The following CFAP221 variants were observed in gnomAD, a reference collection of about 807,000 sequenced individuals.
CFAP221 encodes cilia and flagella associated protein 221, also known as cilia- and flagella-associated protein 221.
A neutral mutation model predicts 113.1 loss-of-function variants in CFAP221; 97 were observed. The ratio of observed to expected loss-of-function variants is 0.86; its 90% CI spans 0.73 to 1.02. The LOEUF (loss-of-function observed/expected upper bound fraction) is 1.02, where lower values mean the gene tolerates loss of function less well. Among genes scored for constraint, CFAP221 ranks in the 50% least tolerant of loss-of-function variants. The pLI is 0.00. For missense variants in CFAP221, 1,025 were observed against 1,013.4 expected (o/e 1.01, Z -0.16); for synonymous variants, 331 against 354.4 (o/e 0.93, Z 0.74).
rs200060056 is a variant in CFAP221, at chr2:119,627,745, G to C, written c.1609G>C (p.Ala537Pro). The C allele has an allele frequency of 4.3e-6, 7 of 1,613,588 alleles. No homozygotes were observed. The highest frequency in any genetic ancestry group is 3.3e-5 in the Admixed American group (2 of 59,964). ...GTCGCCCAAGGAGGTGCTGCCCTTC[G>C]CTTTCCCAGACTGCAGCCCACCCCA... Reference protein sequence around the residue: ...SVSPKEVLPFAFPDCSPPQDS... With the variant: ...SVSPKEVLPFPFPDCSPPQDS... Residue 537 changes from alanine (A) to proline (P), a missense_variant, in exon 16 of 24, where the codon GCT (alanine) becomes CCT (proline). Physicochemically the swap from Ala to Pro is conservative, Grantham distance 27. Transcript: ENST00000413369.
At chr2:119,568,520 G>A (rs573965803) in intron 6 of CFAP221, among the ~76,000 whole-genome samples, 4 of 152,148 alleles carry the variant, frequency 2.6e-5, no homozygotes, top group African/African-American at 9.6e-5. Flanking sequence ...GCCCCAGTGT[G>A]TGTTGTTCCC....
intron 13 of CFAP221, among the ~76,000 whole-genome samples, chr2:119,615,300 T>C (rs981920702): frequency 1.3e-5 from 2 of 152,222 alleles, no homozygotes; most frequent in Non-Finnish European, 2.9e-5. Flanking sequence ...CTGGATGCAC[T>C]GTCAGCACCA....
intron 14 of CFAP221, among the ~76,000 whole-genome samples, chr2:119,623,273 C>A (rs544576110): frequency 6.6e-6 from 1 of 152,166 alleles, no homozygotes; most frequent in Non-Finnish European, 1.5e-5. Context: ...ACAATTGCAA[C>A]AAAGAGAATA....
At chr2:119,605,040 A>T in intron 10 of CFAP221, 53 bp downstream of exon 10, 3 of 1,545,468 alleles carry the variant, frequency 1.9e-6, no homozygotes, top group Non-Finnish European at 2.7e-6. Context: ...TGAAAGAGTC[A>T]TTGCTGGTCA....
intron 7 of CFAP221, among the ~76,000 whole-genome samples, chr2:119,597,181 A>G (rs763433104): frequency 6.6e-6 from 1 of 152,216 alleles, no homozygotes; most frequent in Non-Finnish European, 1.5e-5. Flanking sequence ...GACCCTGTAC[A>G]TTATTTTCTC....
intron 19 of CFAP221, among the ~76,000 whole-genome samples, chr2:119,634,472 A>T (rs929520109): frequency 6.6e-6 from 1 of 152,204 alleles, no homozygotes; most frequent in Non-Finnish European, 1.5e-5. Context: ...GTTTCAAAAA[A>T]TAAAGACAGA....
chr2:119,591,904 A>G (rs1475375838), intron 7 of CFAP221, among the ~76,000 whole-genome samples: 1 of 152,182 alleles, frequency 6.6e-6, no homozygotes, highest in African/African-American at 2.4e-5. Context: ...CAACAATGGG[A>G]AAAAAAGAGC....
chr2:119,610,161 C>T (rs574807581), intron 12 of CFAP221, among the ~76,000 whole-genome samples: 5 of 152,260 alleles, frequency 3.3e-5, no homozygotes, highest in African/African-American at 7.2e-5. Flanking sequence ...GCTGTGGCTG[C>T]GGGCAGTGAC....
At chr2:119,580,487 T>C (rs1574051358) in intron 6 of CFAP221, 1 of 152,284 alleles carries the variant, frequency 6.6e-6, no homozygotes, top group Admixed American at 6.5e-5. Flanking sequence ...CAAGTACCAG[T>C]GCAAATTAAT....
chr2:119,554,354 A>C (rs1445329107), intron 3 of CFAP221, among the ~76,000 whole-genome samples: 1 of 152,210 alleles, frequency 6.6e-6, no homozygotes, highest in South Asian at 2.1e-4. Context: ...ATTTGAAATA[A>C]TGGTCCCTGG....
At chr2:119,625,558 A>G (rs927365617) in intron 14 of CFAP221, 25 bp from the exon 15 acceptor site, 6 of 1,565,060 alleles carry the variant, frequency 3.8e-6, no homozygotes, top group Non-Finnish European at 5.3e-6. Context: ...TAATAATTTG[A>G]AATCATTATC....
intron 6 of CFAP221, among the ~76,000 whole-genome samples, chr2:119,583,052 C>T (rs557858566): frequency 6.6e-6 from 1 of 152,080 alleles, no homozygotes; most frequent in African/African-American, 2.4e-5. Context: ...CTATATCCTG[C>T]TTTCTGGAGA....
chr2:119,596,425 C>T (rs143098426), intron 7 of CFAP221, among the ~76,000 whole-genome samples: 42 of 152,302 alleles, frequency 2.8e-4, no homozygotes, highest in African/African-American at 9.4e-4. Flanking sequence ...TCCTGGCCAG[C>T]AGCTTATATA....
Position 119,630,863 on chromosome 2 carries a change from T to G in CFAP221, c.1936T>G (p.Leu646Val). 6.2e-7 allele frequency: 1 copy of G among 1,613,694 alleles called. No homozygotes were observed. The highest frequency in any genetic ancestry group is 8.5e-7 in the Non-Finnish European group (1 of 1,179,540). Reference protein sequence around the residue: ...SVLSMKPPEALAMSLDYDPLY... With the variant: ...SVLSMKPPEAVAMSLDYDPLY... ...CTTGAGCATGAAACCACCTGAGGCC[T>G]TAGCCATGTCTCTAGATTATGATCC... The change falls in exon 19 of 24, where the codon TTA becomes GTA. Residue 646 changes from leucine (L) to valine (V), a missense_variant. Transcript: ENST00000413369.
chr2:119,588,922 C>G (rs1314878365), intron 7 of CFAP221, among the ~76,000 whole-genome samples: 1 of 152,088 alleles, frequency 6.6e-6, no homozygotes. Context: ...CACTCAGACA[C>G]TCAGACGATA....
intron 7 of CFAP221, among the ~76,000 whole-genome samples, chr2:119,592,485 T>A (rs777521733): frequency 2.6e-5 from 4 of 152,236 alleles, no homozygotes; most frequent in Non-Finnish European, 5.9e-5. Flanking sequence ...TACCCTTCTA[T>A]GTTGTCTATA....
Position 119,608,601 on chromosome 2 carries a change from T to C in CFAP221, c.1221+12T>C, listed in dbSNP as rs575681640. On this transcript the variant is annotated intron_variant, in intron 12 of 23. Transcript: ENST00000413369. ...GTGCCAAATATAAGGTCAGAGTTAC[T>C]GCTAATTTGCTATCATTTGTTTCGC... 1.3e-6 allele frequency: 2 copies of C among 1,590,554 alleles called. No individual in the cohort carries two copies. The highest frequency in any genetic ancestry group is 1.4e-5 in the African/African-American group (1 of 73,994).
intron 19 of CFAP221, among the ~76,000 whole-genome samples, chr2:119,636,019 G>T (rs922540603): frequency 6.6e-6 from 1 of 152,170 alleles, no homozygotes; most frequent in African/African-American, 2.4e-5. Context: ...AATTTGACAT[G>T]ATTTTTAAGA....
chr2:119,586,314 C>T (rs1287213915), intron 6 of CFAP221, among the ~76,000 whole-genome samples: 1 of 152,126 alleles, frequency 6.6e-6, no homozygotes, highest in African/African-American at 2.4e-5. Flanking sequence ...TAGAATTACC[C>T]TGGAGAGCTC....
Sources: allele counts gnomAD v4.1 joint callset (sites outside exome capture counted in the v4.1 genomes callset), GRCh38; gene constraint gnomAD v4.1.1; transcripts MANE v1.5; gene names NCBI Gene and HGNC (gene_info 2026-07-23, HGNC 2026-07-21).